PIGL: variants seen among roughly 807,000 people sequenced by gnomAD.
PIGL encodes phosphatidylinositol glycan anchor biosynthesis class L.
PIGL carries 22 observed loss-of-function variants against 31.1 expected under a neutral mutation model. The observed-to-expected ratio is 0.71, with a 90% CI of 0.51 to 1.01. PIGL has a LOEUF of 1.01. Ranked by LOEUF, PIGL falls within the 50% of genes least tolerant of loss-of-function variation. The pLI, the probability that PIGL is intolerant of heterozygous loss-of-function variation, is 0.00. For synonymous variants in PIGL, 131 were observed against 117.4 expected, an observed-to-expected ratio of 1.12 and a Z score of -0.75; for missense variants, 302 against 315.9, an observed-to-expected ratio of 0.96 and a Z score of 0.33.
At chr17:16,297,118 A>C (rs1055355760) in intron 2 of PIGL, among the ~76,000 whole-genome samples, 1 of 152,240 alleles carries the variant, frequency 6.6e-6, no homozygotes, top group Non-Finnish European at 1.5e-5. Flanking sequence ...AGATTGGGGA[A>C]AACTTGAACG....
intron 2 of PIGL, among the ~76,000 whole-genome samples, chr17:16,290,695 G>T (rs749828134): frequency 8.9e-5 from 13 of 145,846 alleles, no homozygotes; most frequent in Non-Finnish European, 1.2e-4. Context: ...AGACTTTTTT[G>T]TTGTTGTTGT....
intron 3 of PIGL, among the ~76,000 whole-genome samples, chr17:16,300,413 G>A (rs974373547): frequency 4.6e-5 from 7 of 152,322 alleles, no homozygotes; most frequent in African/African-American, 1.7e-4. Context: ...GGGTGTGGTG[G>A]CTCATGCCTG....
At chr17:16,247,945 TGGC>T (rs1346892196) in intron 2 of PIGL, among the ~76,000 whole-genome samples, 1 of 152,102 alleles carries the variant, frequency 6.6e-6, no homozygotes, top group African/African-American at 2.4e-5. Context: ...TGGAGTACAG[TGGC>T]ACGATCTCAG....
intron 2 of PIGL, among the ~76,000 whole-genome samples, chr17:16,274,023 A>G (rs1258372038): frequency 1.3e-5 from 2 of 152,186 alleles, no homozygotes; most frequent in African/African-American, 4.8e-5. Flanking sequence ...GATGGCCGTG[A>G]TACTCACAGG....
intron 2 of PIGL, among the ~76,000 whole-genome samples, chr17:16,257,710 G>T (rs1223024318): frequency 2.0e-5 from 3 of 150,750 alleles, no homozygotes; most frequent in African/African-American, 7.3e-5. Context: ...TTTTGTTGTT[G>T]TTTTTAATGG....
intron 2 of PIGL, among the ~76,000 whole-genome samples, chr17:16,234,759 C>T (rs184211077): frequency 3.9e-5 from 6 of 152,212 alleles, no homozygotes; most frequent in East Asian, 1.9e-4. Flanking sequence ...AGCAAGACTC[C>T]GTCTCAAAAA....
In PIGL at chr17:16,299,964, A is replaced by T; in HGVS notation, c.412A>T (p.Asn138Tyr). 6.2e-7 allele frequency: 1 copy of T among 1,613,322 alleles called. No individual in the cohort carries two copies. The highest frequency in any genetic ancestry group is 2.2e-5 in the East Asian group (1 of 44,878). The change falls in exon 3 of 7, where the codon AAT (asparagine) becomes TAT (tyrosine). Residue 138 changes from asparagine to tyrosine, a missense_variant. Asn to Tyr is a moderately radical substitution (Grantham distance 143, BLOSUM62 -2). Coordinates refer to ENST00000225609, the MANE Select transcript of PIGL (RefSeq NM_004278.4). ...ARVLLQHIEV[N>Y]GINLVVTFDA... ...AGTCCTCCTTCAGCACATAGAAGTG[A>T]ATGGCATCAATCTGGTAAGGGGGCA...
chr17:16,238,711 C>T (rs2092709938), intron 2 of PIGL, among the ~76,000 whole-genome samples: 1 of 149,560 alleles, frequency 6.7e-6, no homozygotes, highest in Non-Finnish European at 1.5e-5. Context: ...GAGTTCGAGA[C>T]CATCCTGACC....
intron 1 of PIGL, among the ~76,000 whole-genome samples, chr17:16,232,768 T>A (rs1452555042): frequency 2.1e-5 from 3 of 144,380 alleles, no homozygotes; most frequent in Non-Finnish European, 3.0e-5. Context: ...GTTTATGACT[T>A]AAAAAAAAAA....
At chr17:16,308,991 A>G (rs1469397435) in intron 3 of PIGL, among the ~76,000 whole-genome samples, 2 of 152,112 alleles carry the variant, frequency 1.3e-5, no homozygotes, top group African/African-American at 2.4e-5. Flanking sequence ...AGGTCTCGCC[A>G]TATTGCCCAG....
At chr17:16,260,978 G>T (rs564865242) in intron 2 of PIGL, among the ~76,000 whole-genome samples, 60 of 152,130 alleles carry the variant, frequency 3.9e-4, no homozygotes, top group African/African-American at 1.4e-3. Flanking sequence ...AATTAGCTGG[G>T]CATGGTGGCA....
chr17:16,266,924 C>T (rs536836485), intron 2 of PIGL, among the ~76,000 whole-genome samples: 75 of 141,132 alleles, frequency 5.3e-4, no homozygotes, highest in Middle Eastern at 3.7e-3. Context: ...GGGGGGTTGT[C>T]GTGGAAATTA....
At chr17:16,278,252 C>T (rs566831929) in intron 2 of PIGL, among the ~76,000 whole-genome samples, 9 of 152,210 alleles carry the variant, frequency 5.9e-5, no homozygotes, top group South Asian at 2.1e-4. Flanking sequence ...AACAGGGTTT[C>T]GCCATGTTGG....
At chr17:16,296,610 A>C (rs1445933468) in intron 2 of PIGL, among the ~76,000 whole-genome samples, 1 of 143,506 alleles carries the variant, frequency 7.0e-6, no homozygotes, top group Non-Finnish European at 1.5e-5. Flanking sequence ...ACTCCATCTC[A>C]AAAAAAAAAA....
At chr17:16,238,773 G>T (rs951109573) in intron 2 of PIGL, among the ~76,000 whole-genome samples, 18 of 150,880 alleles carry the variant, frequency 1.2e-4, no homozygotes, top group Non-Finnish European at 2.2e-4. Flanking sequence ...GCCAGATGTG[G>T]TGGTACGTGC....
At position 16,325,847 on chromosome 17, in the gene PIGL, C is replaced by T; in HGVS notation, c.708C>T (p.Leu236=). ...HRSQLLWFRR[L]YIIFSRYMRI... ...GCCAGCTCCTCTGGTTCCGCCGCCT[C>T]TACATTATCTTCTCCCGGTACATGA... Residue 236 remains leucine, a synonymous_variant, in exon 7 of 7, where the codon CTC becomes CTT. Coordinates refer to ENST00000225609, the MANE Select transcript of PIGL (RefSeq NM_004278.4). 1.2e-6 allele frequency: 2 copies of T among 1,614,042 alleles called. No homozygotes were observed. Among genetic ancestry groups the T allele is most frequent in the Non-Finnish European group, 1.7e-6 (2 of 1,179,924 alleles).
chr17:16,246,984 C>T (rs564831082), intron 2 of PIGL, among the ~76,000 whole-genome samples: 8 of 152,114 alleles, frequency 5.3e-5, no homozygotes, highest in Non-Finnish European at 8.8e-5. Flanking sequence ...CCACCGCGCC[C>T]GGCCCAGATC....
At chr17:16,308,823 T>TC (rs2093036887) in intron 3 of PIGL, among the ~76,000 whole-genome samples, 1 of 133,294 alleles carries the variant, frequency 7.5e-6, no homozygotes, top group African/African-American at 2.9e-5. Context: ...AGACAAGGTC[T>TC]CCCTCTGTTG....
chr17:16,259,590 A>C (rs1273259201), intron 2 of PIGL, among the ~76,000 whole-genome samples: 1 of 152,224 alleles, frequency 6.6e-6, no homozygotes, highest in African/African-American at 2.4e-5. Flanking sequence ...ATCTCAAAAA[A>C]AAATCTAAAT....
Sources: allele counts gnomAD v4.1 joint callset (sites outside exome capture counted in the v4.1 genomes callset), GRCh38; gene constraint gnomAD v4.1.1; transcripts MANE v1.5; gene names NCBI Gene and HGNC (gene_info 2026-07-23, HGNC 2026-07-21).